Variants in GSE1 observed in about 807,000 individuals in gnomAD.
GSE1 encodes the protein genetic suppressor element 1.
Under a neutral mutation model 112.6 loss-of-function variants are expected in GSE1, and 32 were observed. That is an observed-to-expected ratio of 0.28 (90% confidence interval 0.21 to 0.38). The LOEUF is 0.38. Among genes scored for constraint, GSE1 ranks in the 10% least tolerant of loss-of-function variants. GSE1 has a pLI of 1.00. For missense variants in GSE1, 2,348 were observed against 1,699.2 expected, an observed-to-expected ratio of 1.38 and a Z score of -6.71; for synonymous variants, 1,115 against 735.6, an observed-to-expected ratio of 1.52 and a Z score of -8.35.
intron 1 of GSE1, among the ~76,000 whole-genome samples, chr16:85,561,152 T>C (rs1053195985): frequency 1.3e-5 from 2 of 151,522 alleles, no homozygotes; most frequent in African/African-American, 2.4e-5. Flanking sequence ...AAATTATTCA[T>C]GAGGAAGAGG....
rs533935995 is a variant in GSE1, at chr16:85,277,899, C to G, written c.2284-79564C>G. Among the ~76,000 whole-genome samples, 679 of 152,358 alleles carry G rather than the reference C, an allele frequency of 4.5e-3. 6 individuals carry two copies. Among genetic ancestry groups the G allele is most frequent in the Non-Finnish European group, 5.3e-3 (360 of 68,036 alleles). On this transcript the variant is annotated intron_variant, in intron 1 of 2. Transcript: ENST00000637419. Reference sequence around the variant, plus strand: ...GCCTGGGACTGGCCTGTGGATTCCTCCTGGCCTCCACCTCGGGGCTCCTTC... The same window carrying G: ...GCCTGGGACTGGCCTGTGGATTCCTGCTGGCCTCCACCTCGGGGCTCCTTC...
intron 2 of GSE1, among the ~76,000 whole-genome samples, chr16:85,402,071 G>A (rs974976535): frequency 3.3e-5 from 5 of 152,198 alleles, no homozygotes; most frequent in African/African-American, 9.7e-5. Flanking sequence ...CTCACAAGTC[G>A]TTCTGTTCCC....
At chr16:85,458,279 G>C (rs1287908808) in intron 2 of GSE1, among the ~76,000 whole-genome samples, 1 of 152,234 alleles carries the variant, frequency 6.6e-6, no homozygotes, top group African/African-American at 2.4e-5. Context: ...CCCTCAAGGA[G>C]CAGGGAGGAG....
intron 2 of GSE1, among the ~76,000 whole-genome samples, chr16:85,497,434 C>T (rs142376331): frequency 3.3e-5 from 5 of 152,332 alleles, no homozygotes; most frequent in African/African-American, 1.2e-4. Flanking sequence ...CAGGGGCCCA[C>T]GGGATGGTTG....
At chr16:85,640,296 G>A (rs896447344) in intron 2 of GSE1, among the ~76,000 whole-genome samples, 1 of 152,236 alleles carries the variant, frequency 6.6e-6, no homozygotes, top group African/African-American at 2.4e-5. Flanking sequence ...CCTGGAAGCT[G>A]CCAGAGGCCT....
At position 85,655,038 on chromosome 16, in the gene GSE1, C is replaced by T. The variant is rs1408964613; in HGVS notation, c.797+47C>T. ...CTCTCGTCTAGGTGCTGGCCTGTTC[C>T]TGGCAAGATGGAACCTGGCGGGGAA... On this transcript the variant is annotated intron_variant, in intron 5 of 15. Coordinates refer to ENST00000253458, the MANE Select transcript of GSE1 (RefSeq NM_014615.5). The T allele has an allele frequency of 4.1e-6, 5 of 1,226,732 alleles. No individual in the cohort carries two copies. The East Asian group carries it at 7.3e-5, about 18-fold the overall frequency. The allele number at this position is 1,226,732 out of a possible 1,614,324, so 76.0% of individuals were successfully genotyped here.
chr16:85,261,422 G>T (rs1407851558), intron 1 of GSE1, among the ~76,000 whole-genome samples: 1 of 152,240 alleles, frequency 6.6e-6, no homozygotes, highest in African/African-American at 2.4e-5. Context: ...TCTGGCAAGG[G>T]CTCAGCCAGG....
chr16:85,664,850 G>T (rs764019570), intron 11 of GSE1, 165 bp from the exon 12 acceptor site: 31 of 604,836 alleles, frequency 5.1e-5, no homozygotes, highest in Non-Finnish European at 8.6e-5. Flanking sequence ...GGCTCGCTTT[G>T]AGATGGTTGC....
At chr16:85,510,881 A>G (rs189655373) in intron 2 of GSE1, among the ~76,000 whole-genome samples, 2 of 152,270 alleles carry the variant, frequency 1.3e-5, no homozygotes, top group East Asian at 1.9e-4. Flanking sequence ...CCAGGTCTGC[A>G]CAAGCTCATG....
intron 1 of GSE1, among the ~76,000 whole-genome samples, chr16:85,209,080 G>T (rs1021236449): frequency 3.3e-5 from 5 of 150,960 alleles, no homozygotes; most frequent in East Asian, 2.0e-4. Flanking sequence ...GGGGTTCGCT[G>T]TGTGTTGGGG....
chr16:85,583,849 C>T (rs553002274), intron 1 of GSE1, among the ~76,000 whole-genome samples: 27 of 152,316 alleles, frequency 1.8e-4, no homozygotes, highest in South Asian at 4.1e-4. Flanking sequence ...CCTGCCTCCC[C>T]GGCGGCCTCT....
At chr16:85,627,013 C>G (rs961291467) in intron 1 of GSE1, among the ~76,000 whole-genome samples, 1 of 125,916 alleles carries the variant, frequency 7.9e-6, no homozygotes, top group African/African-American at 3.1e-5. Context: ...TTGTCCCTCT[C>G]CACTGGGACT....
At chr16:85,278,074 G>A (rs1408358908) in intron 1 of GSE1, among the ~76,000 whole-genome samples, 3 of 152,268 alleles carry the variant, frequency 2.0e-5, no homozygotes, top group Non-Finnish European at 4.4e-5. Context: ...CAGCTGTCCC[G>A]CGAGGAAGGT....
At chr16:85,343,519 C>T (rs1258881297) in intron 1 of GSE1, among the ~76,000 whole-genome samples, 1 of 152,110 alleles carries the variant, frequency 6.6e-6, no homozygotes, top group African/African-American at 2.4e-5. Flanking sequence ...GAGGTTGAAG[C>T]AGGAAGGTCG....
chr16:85,175,219 G>A (rs888777240), intron 1 of GSE1, among the ~76,000 whole-genome samples: 5 of 152,142 alleles, frequency 3.3e-5, no homozygotes, highest in African/African-American at 1.2e-4. Flanking sequence ...GCTGGGCCCC[G>A]GGTCCCCAGA....
At chr16:85,625,137 C>T (rs528721315) in intron 1 of GSE1, among the ~76,000 whole-genome samples, 32 of 152,258 alleles carry the variant, frequency 2.1e-4, no homozygotes, top group African/African-American at 7.2e-4. Flanking sequence ...TTTAGGAGGC[C>T]GCCTCCCTGC....
At chr16:85,425,508 A>G (rs1229192498) in intron 2 of GSE1, among the ~76,000 whole-genome samples, 1 of 152,176 alleles carries the variant, frequency 6.6e-6, no homozygotes, top group African/African-American at 2.4e-5. Context: ...TGTGGTGGCA[A>G]AAAGGGGCTG....
intron 1 of GSE1, among the ~76,000 whole-genome samples, chr16:85,313,712 G>A (rs925929872): frequency 6.6e-6 from 1 of 152,228 alleles, no homozygotes; most frequent in African/African-American, 2.4e-5. Context: ...GGAAGCCCGC[G>A]GAGAGCTGTC....
intron 1 of GSE1, among the ~76,000 whole-genome samples, chr16:85,249,106 G>C (rs2144010871): frequency 6.6e-6 from 1 of 152,320 alleles, no homozygotes; most frequent in South Asian, 2.1e-4. Flanking sequence ...GTCCACAAAA[G>C]CCCTTTTGCT....
Sources: allele counts gnomAD v4.1 joint callset (sites outside exome capture counted in the v4.1 genomes callset), GRCh38; gene constraint gnomAD v4.1.1; transcripts MANE v1.5; gene names NCBI Gene and HGNC (gene_info 2026-07-23, HGNC 2026-07-21).